The following MED13L variants were observed in gnomAD, a reference collection of about 807,000 sequenced individuals.
MED13L encodes the protein mediator of RNA polymerase II transcription subunit 13-like.
MED13L carries 7 observed loss-of-function variants against 220.9 expected under a neutral mutation model. The ratio of observed to expected loss-of-function variants is 0.03; its 90% CI spans 0.02 to 0.06. MED13L has a LOEUF of 0.06. Among genes scored for constraint, MED13L ranks in the 10% least tolerant of loss-of-function variants. The pLI, the probability that MED13L is intolerant of heterozygous loss-of-function variation, is 1.00. For synonymous variants in MED13L, 1,011 were observed against 1,015.2 expected, an observed-to-expected ratio of 1.00 and a Z score of 0.08; for missense variants, 1,965 against 2,760.5, an observed-to-expected ratio of 0.71 and a Z score of 6.46.
chr12:116,231,826 A>G (rs1288409322), intron 2 of MED13L, among the ~76,000 whole-genome samples: 1 of 152,194 alleles, frequency 6.6e-6, no homozygotes, highest in Middle Eastern at 3.2e-3. Context: ...GCATATGCAT[A>G]TAAGTGTGTA....
chr12:116,000,377 C>G (rs1441594621), intron 14 of MED13L, among the ~76,000 whole-genome samples: 3 of 152,224 alleles, frequency 2.0e-5, no homozygotes, highest in East Asian at 3.9e-4. Flanking sequence ...GTGCTGCCCA[C>G]AGCGCTCTGC....
chr12:116,156,402 T>TAAAAAAAAAAAAAAA (rs11366103), intron 2 of MED13L, among the ~76,000 whole-genome samples: 2 of 119,450 alleles, frequency 1.7e-5, no homozygotes, highest in African/African-American at 6.2e-5. Context: ...TCCAATTACT[T>TAAAAAAAAAAAAAAA]AAAAAAAAAA....
intron 3 of MED13L, among the ~76,000 whole-genome samples, chr12:116,101,853 T>C (rs1205673556): frequency 1.3e-5 from 2 of 152,186 alleles, no homozygotes; most frequent in African/African-American, 4.8e-5. Context: ...CTGTTTCAAA[T>C]CAATATCATC....
chr12:115,968,923 C>T lies in MED13L; in HGVS notation c.6225+17G>A. 6.2e-7 allele frequency: 1 copy of T among 1,613,894 alleles called. No homozygotes were observed. Among genetic ancestry groups the T allele is most frequent in the South Asian group, 1.1e-5 (1 of 91,072 alleles). On this transcript the variant is annotated intron_variant, in intron 28 of 30. Coordinates refer to ENST00000281928, the MANE Select transcript of MED13L (RefSeq NM_015335.5). ...GGCTATGGTTGTCTTAAACAACGTA[C>T]TCCAAATCATCCTTACCCGACTATG...
chr12:116,208,580 T>C (rs1317689131), intron 2 of MED13L, among the ~76,000 whole-genome samples: 1 of 152,210 alleles, frequency 6.6e-6, no homozygotes, highest in Non-Finnish European at 1.5e-5. Flanking sequence ...GCTATTTAAA[T>C]CACACCTGTC....
At chr12:116,084,466 G>C (rs1264730341) in intron 4 of MED13L, among the ~76,000 whole-genome samples, 1 of 152,086 alleles carries the variant, frequency 6.6e-6, no homozygotes, top group African/African-American at 2.4e-5. Flanking sequence ...AGATCATAAT[G>C]TCTTGTTTCT....
chr12:116,125,343 A>C (rs1353955175), intron 2 of MED13L, among the ~76,000 whole-genome samples: 1 of 152,222 alleles, frequency 6.6e-6, no homozygotes, highest in Non-Finnish European at 1.5e-5. Context: ...ATGTACATAC[A>C]ACAAACAAAT....
intron 1 of MED13L, among the ~76,000 whole-genome samples, chr12:116,270,385 G>A (rs898238278): frequency 1.3e-5 from 2 of 152,004 alleles, no homozygotes; most frequent in African/African-American, 4.8e-5. Flanking sequence ...CTCGTGATCC[G>A]CCTGCCTTGG....
Position 115,987,137 on chromosome 12 carries a change from G to C in MED13L, c.4086C>G (p.Phe1362Leu). 6.2e-7 allele frequency: 1 copy of C among 1,614,130 alleles called. No individual in the cohort carries two copies. The highest frequency in any genetic ancestry group is 8.5e-7 in the Non-Finnish European group (1 of 1,180,004). The change falls in exon 18 of 31, where the codon TTC becomes TTG. Residue 1362 changes from phenylalanine (F) to leucine (L), a missense_variant. Phe to Leu is a conservative substitution (Grantham distance 22). Coordinates refer to ENST00000281928, the MANE Select transcript of MED13L (RefSeq NM_015335.5). ...AGGTTCCCCGTCCTGCCATTTTATG[G>C]AACTGCTGCCAAGTGAGTGGTCCCT... Reference protein sequence around the residue: ...HVQGPLTWQQFHKMAGRGTYG... With the variant: ...HVQGPLTWQQLHKMAGRGTYG...
chr12:116,011,382 A>G (rs1341207431), intron 9 of MED13L, among the ~76,000 whole-genome samples: 1 of 152,260 alleles, frequency 6.6e-6, no homozygotes, highest in Admixed American at 6.5e-5. Context: ...TTGTTTATTT[A>G]CACTTAACGT....
Position 116,007,645 on chromosome 12 carries a change from C to CAAAA in MED13L, c.2013-13_2013-10dup, listed in dbSNP as rs542425590. On this transcript the variant is annotated splice_polypyrimidine_tract_variant and intron_variant, in intron 10 of 30. Coordinates refer to ENST00000281928, the MANE Select transcript of MED13L (RefSeq NM_015335.5). ...TAGGTTGTGCTAAGAGTCTAAAAGACAAAAAAAAAAAAAAAAAAAAGAGCA... is the reference window on the plus strand; with the variant it reads ...TAGGTTGTGCTAAGAGTCTAAAAGACAAAAAAAAAAAAAAAAAAAAAAAAGAGCA... The CAAAA allele has an allele frequency of 5.6e-3, 4,228 of 756,652 alleles. 24 individuals carry two copies. The highest frequency in any genetic ancestry group is 0.013 in the South Asian group (548 of 41,356). The allele number at this position is 756,652 out of a possible 1,614,324, so 46.9% of individuals were successfully genotyped here.
chr12:116,092,639 C>T (rs1872331189), intron 4 of MED13L, among the ~76,000 whole-genome samples: 1 of 152,106 alleles, frequency 6.6e-6, no homozygotes, highest in Non-Finnish European at 1.5e-5. Context: ...AACGTATTTA[C>T]ATTTCTTAAA....
intron 2 of MED13L, among the ~76,000 whole-genome samples, chr12:116,155,186 G>A (rs778356008): frequency 2.6e-5 from 4 of 152,154 alleles, no homozygotes; most frequent in Non-Finnish European, 4.4e-5. Context: ...CACTTTGGGA[G>A]GCCAAGGCGG....
chr12:116,109,119 A>G (rs1445536930), intron 3 of MED13L, among the ~76,000 whole-genome samples: 4 of 120,518 alleles, frequency 3.3e-5, no homozygotes, highest in East Asian at 2.4e-4. Context: ...CACCCAGGCT[A>G]GAGTGTGGTG....
At chr12:116,128,051 C>G (rs920646512) in intron 2 of MED13L, among the ~76,000 whole-genome samples, 1 of 152,170 alleles carries the variant, frequency 6.6e-6, no homozygotes, top group African/African-American at 2.4e-5. Flanking sequence ...CCCTACCTGA[C>G]CCTCTAATGG....
At chr12:116,158,810 C>T (rs1878641692) in intron 2 of MED13L, among the ~76,000 whole-genome samples, 1 of 152,070 alleles carries the variant, frequency 6.6e-6, no homozygotes, top group East Asian at 1.9e-4. Context: ...TTTCTATAAC[C>T]TTACAAGATA....
At chr12:116,225,403 C>T (rs912863633) in intron 2 of MED13L, among the ~76,000 whole-genome samples, 2 of 152,070 alleles carry the variant, frequency 1.3e-5, no homozygotes, top group African/African-American at 2.4e-5. Flanking sequence ...AATCAAGAGC[C>T]CCTTTGTTAT....
intron 2 of MED13L, among the ~76,000 whole-genome samples, chr12:116,133,757 G>A (rs889469348): frequency 6.6e-6 from 1 of 152,118 alleles, no homozygotes; most frequent in South Asian, 2.1e-4. Flanking sequence ...TAGTCTCCAA[G>A]TCCAGAGCAT....
chr12:116,170,716 T>C (rs1412849153), intron 2 of MED13L, among the ~76,000 whole-genome samples: 1 of 151,590 alleles, frequency 6.6e-6, no homozygotes. Flanking sequence ...TTCTTGGGCC[T>C]AAGCCTCCTG....
Sources: allele counts gnomAD v4.1 joint callset (sites outside exome capture counted in the v4.1 genomes callset), GRCh38; gene constraint gnomAD v4.1.1; transcripts MANE v1.5; gene names NCBI Gene and HGNC (gene_info 2026-07-23, HGNC 2026-07-21).